The following MAP3K8 variants were observed in gnomAD, a reference collection of about 807,000 sequenced individuals.
The protein encoded by MAP3K8 is Ewing sarcoma transformant.
Under a neutral mutation model 45.8 loss-of-function variants are expected in MAP3K8, and 22 were observed. The ratio of observed to expected loss-of-function variants is 0.48; its 90% CI spans 0.34 to 0.69. The LOEUF is 0.69. Ranked by LOEUF, MAP3K8 falls within the 30% of genes least tolerant of loss-of-function variation. The pLI is 0.01. For synonymous variants in MAP3K8, 223 were observed against 214.3 expected (o/e 1.04, Z -0.36); for missense variants, 419 against 585.0 (o/e 0.72, Z 2.93).
At chr10:30,456,589 C>T (rs902758411) in intron 6 of MAP3K8, among the ~76,000 whole-genome samples, 4 of 152,204 alleles carry the variant, frequency 2.6e-5, no homozygotes, top group East Asian at 3.9e-4. Context: ...CTGTTTCAAG[C>T]GAAATACTGA....
intron 2 of MAP3K8, among the ~76,000 whole-genome samples, chr10:30,438,250 C>A (rs1835977230): frequency 6.6e-6 from 1 of 152,208 alleles, no homozygotes; most frequent in Non-Finnish European, 1.5e-5. Context: ...TTAAATGTAT[C>A]ATCATCTTTC....
At position 30,458,200 on chromosome 10, in the gene MAP3K8, C is replaced by A; in HGVS notation, c.990C>A (p.Arg330=). The A allele has an allele frequency of 6.3e-7, 1 of 1,589,908 alleles. No homozygotes were observed. Among genetic ancestry groups the A allele is most frequent in the Non-Finnish European group, 8.6e-7 (1 of 1,167,266 alleles). The part of the protein sequence containing the change: ...MQTGTPPWVK[R]YPRSAYPSYL... Reference sequence around the variant, plus strand: ...CGGGCACCCCACCCTGGGTGAAGCGCTACCCTCGCTCAGCCTATCCCTCCT... The same window carrying A: ...CGGGCACCCCACCCTGGGTGAAGCGATACCCTCGCTCAGCCTATCCCTCCT... The change falls in exon 7 of 9, where the codon CGC becomes CGA. Residue 330 remains arginine (R), a synonymous_variant. Coordinates refer to ENST00000263056, the MANE Select transcript of MAP3K8 (RefSeq NM_005204.4).
chr10:30,453,915 AGAAGGAAGGAAGGAAGGAAG>A (rs56017896), intron 6 of MAP3K8, among the ~76,000 whole-genome samples: 62 of 129,164 alleles, frequency 4.8e-4, no homozygotes, highest in African/African-American at 1.5e-3. Context: ...AGGGAGAGAG[AGAAGGAAGGAAGGAAGGAAG>A]GAAGGAAGGA....
intron 3 of MAP3K8, among the ~76,000 whole-genome samples, chr10:30,442,692 A>C (rs1359234896): frequency 6.6e-6 from 1 of 152,242 alleles, no homozygotes; most frequent in East Asian, 1.9e-4. Flanking sequence ...TGGCCCGGGA[A>C]CAAATAATCT....
At chr10:30,450,717 T>C (rs1233951465) in intron 5 of MAP3K8, 198 bp downstream of exon 5, 1 of 582,950 alleles carries the variant, frequency 1.7e-6, no homozygotes, top group Non-Finnish European at 3.0e-6. Flanking sequence ...AAGGAAAGAT[T>C]ACTTTCAACA....
chr10:30,453,295 G>A (rs531792005), intron 6 of MAP3K8, among the ~76,000 whole-genome samples: 1 of 151,830 alleles, frequency 6.6e-6, no homozygotes, highest in African/African-American at 2.4e-5. Flanking sequence ...CTGAGTTTTG[G>A]CTCAATGACA....
intron 6 of MAP3K8, among the ~76,000 whole-genome samples, chr10:30,451,986 A>T (rs1362799686): frequency 6.6e-6 from 1 of 152,074 alleles, no homozygotes; most frequent in Non-Finnish European, 1.5e-5. Flanking sequence ...TTGTAATATA[A>T]TATACATGTT....
chr10:30,440,152 T>C (rs1342097383), intron 3 of MAP3K8, among the ~76,000 whole-genome samples: 1 of 152,242 alleles, frequency 6.6e-6, no homozygotes, highest in African/African-American at 2.4e-5. Flanking sequence ...GTTGCCATAA[T>C]AGTAGATCAG....
chr10:30,446,553 AAG>A (rs1480271518), intron 3 of MAP3K8, among the ~76,000 whole-genome samples: 11 of 150,102 alleles, frequency 7.3e-5, no homozygotes, highest in African/African-American at 2.2e-4. Context: ...AAAAAAAAAG[AAG>A]AAGAAGAAGT....
At chr10:30,449,359 C>T (rs1438231340) in intron 4 of MAP3K8, among the ~76,000 whole-genome samples, 2 of 152,156 alleles carry the variant, frequency 1.3e-5, no homozygotes, top group African/African-American at 4.8e-5. Flanking sequence ...ATTCTTCTGC[C>T]TCAGCCTCCC....
intron 6 of MAP3K8, among the ~76,000 whole-genome samples, chr10:30,453,702 C>T (rs1449152772): frequency 6.6e-6 from 1 of 151,918 alleles, no homozygotes; most frequent in Non-Finnish European, 1.5e-5. Flanking sequence ...GGTGGGAGGA[C>T]TTACTTTAAA....
intron 7 of MAP3K8, 32 bp downstream of exon 7, chr10:30,458,268 C>CGGGGGGGGGGGGGCGG: frequency 2.3e-6 from 1 of 439,436 alleles, no homozygotes; most frequent in South Asian, 4.2e-5. Flanking sequence ...CTGGGGGCGG[C>CGGGGGGGGGGGGGCGG]GGGGGGGGGC....
chr10:30,459,300 A>C lies in MAP3K8; in HGVS notation c.1072A>C (p.Ser358Arg), dbSNP rs1004276395. 6.8e-6 allele frequency: 11 copies of C among 1,614,070 alleles called. No individual in the cohort carries two copies. Among genetic ancestry groups the C allele is most frequent in the East Asian group, 2.2e-5 (1 of 44,902 alleles). Residue 358 changes from serine (S) to arginine (R), a missense_variant, in exon 8 of 9, where the codon AGT (serine) becomes CGT (arginine). By Grantham distance (110) the Ser-to-Arg change is moderately radical (BLOSUM62 -1). Coordinates refer to ENST00000263056, the MANE Select transcript of MAP3K8 (RefSeq NM_005204.4). ...ACTGGAAGACATTGCAGATGACTGC[A>C]GTCCAGGGATGAGAGAGCTGATAGA... The part of the protein sequence containing the change: ...PPLEDIADDC[S>R]PGMRELIEAS...
chr10:30,452,804 T>C (rs1836595476), intron 6 of MAP3K8, among the ~76,000 whole-genome samples: 1 of 151,818 alleles, frequency 6.6e-6, no homozygotes, highest in East Asian at 1.9e-4. Flanking sequence ...GTCTCCTGAG[T>C]AGTTGAGATT....
intron 1 of MAP3K8, chr10:30,434,617 C>T: frequency 1.0e-6 from 1 of 985,954 alleles, no homozygotes. Context: ...CCCCCTTCCT[C>T]CTCCTTCCCG....
At chr10:30,434,886 A>T (rs1235940986) in intron 1 of MAP3K8, 1 of 618,872 alleles carries the variant, frequency 1.6e-6, no homozygotes, top group African/African-American at 2.0e-5. Flanking sequence ...GAGCCCAGAG[A>T]CTTGTGAATG....
chr10:30,446,146 G>A (rs8176995), intron 3 of MAP3K8, among the ~76,000 whole-genome samples: 12,191 of 152,172 alleles, frequency 0.08, 1,605 homozygotes, highest in African/African-American at 0.27. Flanking sequence ...TCCCACCTTA[G>A]CCTCCCAAAG....
intron 2 of MAP3K8, among the ~76,000 whole-genome samples, chr10:30,438,049 C>A (rs955389486): frequency 2.0e-5 from 3 of 152,188 alleles, no homozygotes; most frequent in Non-Finnish European, 4.4e-5. Flanking sequence ...TATATAAGAG[C>A]TGAAATGCAA....
chr10:30,460,628 A>G, intron 8 of MAP3K8, 78 bp from the exon 9 acceptor site: 2 of 1,233,672 alleles, frequency 1.6e-6, no homozygotes, highest in African/African-American at 1.5e-5. Context: ...CCAAAGATTT[A>G]TTTCACTGCA....
Sources: gnomAD v4.1 joint callset for allele counts (sites outside exome capture counted in the v4.1 genomes callset) on GRCh38, gnomAD v4.1.1 for gene constraint, MANE v1.5 for transcripts, NCBI Gene and HGNC (gene_info 2026-07-23, HGNC 2026-07-21) for gene names.